SHTN1: variants seen among roughly 807,000 people sequenced by gnomAD.
The protein encoded by SHTN1 is shootin 1, also known as shootin-1.
SHTN1 carries 42 observed loss-of-function variants against 83.1 expected under a neutral mutation model. The ratio of observed to expected loss-of-function variants is 0.51; its 90% confidence interval spans 0.39 to 0.65. SHTN1 has a LOEUF of 0.65. Ranked by LOEUF, SHTN1 falls within the 30% of genes least tolerant of loss-of-function variation. SHTN1 has a pLI of 0.00. For synonymous variants in SHTN1, 224 were observed against 247.7 expected (o/e 0.90, Z 0.90); for missense variants, 622 against 737.8 (o/e 0.84, Z 1.82).
At position 116,881,603 on chromosome 10, in the gene SHTN1, G is replaced by A. The variant is rs757613639; in HGVS notation, c.*4741C>T. On this transcript the variant is annotated 3_prime_UTR_variant, in exon 17 of 17. Transcript: ENST00000355371. ...TTGAGGCTGCTGCGGCTAGGGAGCC[G>A]CTGGTGCCCACCTTCCCCACACAAG... The A allele has an allele frequency of 2.3e-5, 35 of 1,550,168 alleles. No homozygotes were observed. Among genetic ancestry groups the A allele is most frequent in the East Asian group, 2.0e-4 (8 of 40,912 alleles).
chr10:116,965,447 G>GCGGA (rs1850352699), intron 3 of SHTN1, among the ~76,000 whole-genome samples: 1 of 152,190 alleles, frequency 6.6e-6, no homozygotes, highest in African/African-American at 2.4e-5. Flanking sequence ...AATCCAGGAG[G>GCGGA]CGGAGGTCGC....
intron 2 of SHTN1, among the ~76,000 whole-genome samples, chr10:117,031,149 A>G (rs1211048025): frequency 6.6e-6 from 1 of 152,210 alleles, no homozygotes; most frequent in African/African-American, 2.4e-5. Flanking sequence ...TGGAGCTCCA[A>G]TATGCCTAGT....
At chr10:117,047,779 C>CT (rs1186446409) in intron 2 of SHTN1, among the ~76,000 whole-genome samples, 55 of 145,290 alleles carry the variant, frequency 3.8e-4, no homozygotes, top group African/African-American at 8.0e-4. Flanking sequence ...AAAAGTCTCT[C>CT]TTTTTTTTTG....
intron 2 of SHTN1, among the ~76,000 whole-genome samples, chr10:117,034,285 C>A (rs1185814177): frequency 6.6e-6 from 1 of 152,088 alleles, no homozygotes; most frequent in Non-Finnish European, 1.5e-5. Flanking sequence ...TTGGAGAAAC[C>A]TAAAGACTCT....
upstream of SHTN1, chr10:117,005,317 T>G: frequency 3.7e-6 from 5 of 1,366,578 alleles, no homozygotes; most frequent in South Asian, 1.6e-5. Flanking sequence ...AGCAGTCCCG[T>G]TCAGGGGGTG....
upstream of SHTN1, among the ~76,000 whole-genome samples, chr10:117,008,193 A>T (rs1027722359): frequency 5.3e-5 from 8 of 152,122 alleles, no homozygotes; most frequent in Non-Finnish European, 1.2e-4. Flanking sequence ...TGCCAAACTC[A>T]GGATAATGGC....
chr10:117,112,889 C>T (rs537747945), intron 1 of SHTN1, among the ~76,000 whole-genome samples: 2 of 152,274 alleles, frequency 1.3e-5, no homozygotes, highest in East Asian at 1.9e-4. Flanking sequence ...CAGTTTTGAT[C>T]GTTGACAATT....
At chr10:116,995,899 A>T (rs1422296518) in intron 1 of SHTN1, among the ~76,000 whole-genome samples, 2 of 152,114 alleles carry the variant, frequency 1.3e-5, no homozygotes, top group African/African-American at 2.4e-5. Flanking sequence ...TAGGGAAGAG[A>T]GCTATCTATC....
At chr10:116,914,376 G>A (rs1308268229) in intron 13 of SHTN1, among the ~76,000 whole-genome samples, 1 of 152,044 alleles carries the variant, frequency 6.6e-6, no homozygotes, top group African/African-American at 2.4e-5. Context: ...GGAGGCTGAG[G>A]CAGGAGAATC....
chr10:117,058,270 C>T (rs1023130763), intron 1 of SHTN1, among the ~76,000 whole-genome samples: 1 of 152,064 alleles, frequency 6.6e-6, no homozygotes, highest in Non-Finnish European at 1.5e-5. Flanking sequence ...ATTTGCAAAT[C>T]ACATAACTGG....
intron 12 of SHTN1, among the ~76,000 whole-genome samples, chr10:116,920,530 T>C (rs1353950447): frequency 2.0e-5 from 3 of 152,150 alleles, no homozygotes; most frequent in Non-Finnish European, 4.4e-5. Context: ...CCATCAACAT[T>C]CATCTGAATG....
intron 11 of SHTN1, among the ~76,000 whole-genome samples, chr10:116,925,733 A>G (rs1334816979): frequency 6.6e-6 from 1 of 152,226 alleles, no homozygotes; most frequent in African/African-American, 2.4e-5. Context: ...CCACTGGGAC[A>G]AAGTGACCAA....
In SHTN1 at chr10:116,969,781, AATGTTTATTATTAT is replaced by A. The variant is rs1473843149; in HGVS notation, c.112-1083_112-1070del. On this transcript the variant is annotated intron_variant, in intron 2 of 16. Transcript: ENST00000355371. ...ATTAATGAATTTTTTTAAAAAACCT[AATGTTTATTATTAT>A]AAGGACTGAATTCAGTATATCTTGA... Among the ~76,000 whole-genome samples, 7 of 152,294 alleles carry A rather than the reference AATGTTTATTATTAT, an allele frequency of 4.6e-5. No individual in the cohort carries two copies. In the East Asian group the frequency reaches 1.4e-3, roughly 29 times the overall value.
At chr10:117,051,999 C>CATATATAT (rs71013635) in intron 1 of SHTN1, among the ~76,000 whole-genome samples, 1,505 of 34,104 alleles carry the variant, frequency 0.044, 170 homozygotes, top group African/African-American at 0.11. Flanking sequence ...ATGACATAAT[C>CATATATAT]ATATATATAT....
At chr10:117,082,623 G>A (rs1472498913) in intron 1 of SHTN1, among the ~76,000 whole-genome samples, 1 of 151,784 alleles carries the variant, frequency 6.6e-6, no homozygotes, top group Admixed American at 6.6e-5. Context: ...TCTGTCTAAT[G>A]TTGACAGTGG....
At chr10:116,992,303 A>C (rs1416440417) in intron 1 of SHTN1, among the ~76,000 whole-genome samples, 1 of 152,242 alleles carries the variant, frequency 6.6e-6, no homozygotes, top group African/African-American at 2.4e-5. Context: ...AAGTCAGTCC[A>C]TTGATATGCA....
At chr10:116,961,710 T>A (rs973368242) in intron 3 of SHTN1, among the ~76,000 whole-genome samples, 3 of 152,186 alleles carry the variant, frequency 2.0e-5, no homozygotes, top group African/African-American at 7.2e-5. Context: ...GTAGACATTG[T>A]AAATAAACAG....
intron 3 of SHTN1, among the ~76,000 whole-genome samples, chr10:116,963,367 C>T (rs1374920630): frequency 3.3e-5 from 5 of 151,308 alleles, no homozygotes; most frequent in African/African-American, 7.3e-5. Flanking sequence ...CCACCGCGCC[C>T]GGCCATAATA....
intron 15 of SHTN1, among the ~76,000 whole-genome samples, chr10:116,906,356 ATG>A (rs1243743133): frequency 2.6e-5 from 4 of 152,350 alleles, no homozygotes; most frequent in African/African-American, 9.6e-5. Context: ...CTCTTCCTGA[ATG>A]TCTTTACACA....
Sources: allele counts gnomAD v4.1 joint callset (sites outside exome capture counted in the v4.1 genomes callset), GRCh38; gene constraint gnomAD v4.1.1; transcripts MANE v1.5; gene names NCBI Gene and HGNC (gene_info 2026-07-23, HGNC 2026-07-21).